Variants in PCDHA10 observed in about 807,000 individuals in gnomAD.
The protein encoded by PCDHA10 is protocadherin alpha 10, also known as protocadherin alpha-10.
In PCDHA10, 45 loss-of-function variants were observed where a neutral mutation model predicts 61.2. The observed-to-expected ratio is 0.74, with a 90% CI of 0.58 to 0.94. PCDHA10 has a LOEUF of 0.94. Ranked by LOEUF, PCDHA10 falls within the 40% of genes least tolerant of loss-of-function variation. PCDHA10 has a pLI of 0.00. For missense variants in PCDHA10, 1,278 were observed against 1,236.2 expected (o/e 1.03, Z -0.51); for synonymous variants, 602 against 548.8 (o/e 1.10, Z -1.35).
rs782283116 is a variant in PCDHA10, at chr5:140,856,926, G to A, written c.878G>A (p.Trp293Ter). The A allele has an allele frequency of 6.3e-7, 1 of 1,594,828 alleles. No homozygotes were observed. Among genetic ancestry groups the A allele is most frequent in the South Asian group, 1.1e-5 (1 of 90,498 alleles). Residue 293 changes from tryptophan to a stop codon, truncating the protein, a stop_gained, in exon 1 of 4, where the codon TGG becomes TAG. Transcript: ENST00000307360. LOFTEE classifies it high-confidence loss of function. ...CCACCCACGATAAGAAGGAAATTTT[G>A]GATAAACGAAAGGACGGGAGAAATA... ...LVPPTIRRKFWINERTGEIKV... is the reference protein window; with the variant it reads ...LVPPTIRRKF
intron 1 of PCDHA10, among the ~76,000 whole-genome samples, chr5:140,910,919 T>G (rs2075230231): frequency 6.6e-6 from 1 of 152,154 alleles, no homozygotes; most frequent in Admixed American, 6.5e-5. Flanking sequence ...TTTTTGCTTA[T>G]ATAAATAAGA....
rs946669637 is a variant in PCDHA10, at chr5:140,923,020, G to C, written c.2389-55929G>C. On this transcript the variant is annotated intron_variant, in intron 1 of 3. Coordinates refer to ENST00000307360, the MANE Select transcript of PCDHA10 (RefSeq NM_018901.4). ...AGAATGGTTGTTGGACTGCAGTTTCGGACTCTATTACTACATGTATAGTAT... is the reference window on the plus strand; with the variant it reads ...AGAATGGTTGTTGGACTGCAGTTTCCGACTCTATTACTACATGTATAGTAT... Among the ~76,000 whole-genome samples the C allele has an allele frequency of 2.0e-5, 3 of 152,230 alleles. No homozygotes were observed. The East Asian group carries it at 5.8e-4, about 29-fold the overall frequency.
At chr5:140,946,249 C>T (rs930979647) in intron 1 of PCDHA10, among the ~76,000 whole-genome samples, 2 of 151,896 alleles carry the variant, frequency 1.3e-5, no homozygotes, top group Admixed American at 6.6e-5. Flanking sequence ...CATCATGAAT[C>T]ATCAGAAAAA....
chr5:140,877,433 A>G, intron 1 of PCDHA10: 8 of 1,613,774 alleles, frequency 5.0e-6, no homozygotes, highest in Non-Finnish European at 6.8e-6. Context: ...GTGAAGGACC[A>G]CGGTGAGCCC....
intron 1 of PCDHA10, among the ~76,000 whole-genome samples, chr5:140,896,682 C>A (rs573518532): frequency 6.6e-6 from 1 of 152,124 alleles, no homozygotes; most frequent in African/African-American, 2.4e-5. Flanking sequence ...CGGCCCTTTG[C>A]CCATTTTTTG....
chr5:140,980,216 G>A (rs1554241518), intron 2 of PCDHA10, among the ~76,000 whole-genome samples: 1 of 152,190 alleles, frequency 6.6e-6, no homozygotes, highest in African/African-American at 2.4e-5. Flanking sequence ...GCTTTTGCCT[G>A]CATCTGAGCT....
rs368166956 is a variant in PCDHA10, at chr5:140,870,187, G to T, written c.2388+11751G>T. On this transcript the variant is annotated intron_variant, in intron 1 of 3. Coordinates refer to ENST00000307360, the MANE Select transcript of PCDHA10 (RefSeq NM_018901.4). Reference sequence around the variant, plus strand: ...CTTGTCCCTCCCAGTACGAGAGGACGCTCAGCCCAGCACGGTCATTGCCCT... The same window carrying T: ...CTTGTCCCTCCCAGTACGAGAGGACTCTCAGCCCAGCACGGTCATTGCCCT... 55 of 1,614,092 alleles carry T rather than the reference G, an allele frequency of 3.4e-5. No individual in the cohort carries two copies. The African/African-American group carries it at 6.5e-4, about 19-fold the overall frequency.
In PCDHA10 at chr5:140,870,746, T is replaced by C. The variant is rs781831995; in HGVS notation, c.2388+12310T>C. 5.0e-6 allele frequency: 8 copies of C among 1,613,488 alleles called. No individual in the cohort carries two copies. The East Asian group carries it at 1.8e-4, about 36-fold the overall frequency. ...GGCGTGCCGCCTCTGAGCAGCAACG[T>C]GACGCTGCAGGTGTTCGTGCTGGAC... On this transcript the variant is annotated intron_variant, in intron 1 of 3. Transcript: ENST00000307360.
Position 140,857,610 on chromosome 5 carries a change from C to T in PCDHA10, c.1562C>T (p.Pro521Leu), listed in dbSNP as rs1436552212. 1.3e-6 allele frequency: 2 copies of T among 1,596,344 alleles called. No individual in the cohort carries two copies. The highest frequency in any genetic ancestry group is 2.2e-5 in the South Asian group (2 of 90,486). Reference protein sequence around the residue: ...AESGKVYALQPLDHEELELLQ... With the variant: ...AESGKVYALQLLDHEELELLQ... ...AGCGGCAAGGTGTACGCGCTGCAGC[C>T]GCTGGACCACGAGGAGCTGGAGCTG... is the stretch of plus-strand genomic sequence containing the variant. The change falls in exon 1 of 4, where the codon CCG (proline) becomes CTG (leucine). Residue 521 changes from proline to leucine, a missense_variant. Coordinates refer to ENST00000307360, the MANE Select transcript of PCDHA10 (RefSeq NM_018901.4).
At chr5:140,880,010 A>G (rs958851507) in intron 1 of PCDHA10, among the ~76,000 whole-genome samples, 1 of 152,232 alleles carries the variant, frequency 6.6e-6, no homozygotes, top group African/African-American at 2.4e-5. Flanking sequence ...TATTCACCAT[A>G]TAAAGTAAAA....
chr5:140,857,657 C>T lies in PCDHA10; in HGVS notation c.1609C>T (p.Arg537Cys), dbSNP rs1207727837. Reference protein sequence around the residue: ...LELLQFQVSARDGGVPPLGSN... With the variant: ...LELLQFQVSACDGGVPPLGSN... ...GCTGCTACAGTTCCAGGTGAGCGCG[C>T]GCGATGGGGGCGTGCCGCCTCTGGG... The change falls in exon 1 of 4, where the codon CGC (arginine) becomes TGC (cysteine). Residue 537 changes from arginine to cysteine, a missense_variant. Coordinates refer to ENST00000307360, the MANE Select transcript of PCDHA10 (RefSeq NM_018901.4). The T allele has an allele frequency of 1.9e-6, 3 of 1,596,740 alleles. No homozygotes were observed. The highest frequency in any genetic ancestry group is 1.7e-6 in the Non-Finnish European group (2 of 1,167,750).
rs906170025 is a variant in PCDHA10 at position 140,935,893 on chromosome 5, T to C, written c.2389-43056T>C. Among the ~76,000 whole-genome samples, 23 of 129,968 alleles carry C rather than the reference T, an allele frequency of 1.8e-4. 1 individual carries two copies. In the Admixed American group the frequency reaches 1.8e-3, roughly 10 times the overall value. The allele number at this position is 129,968 out of a possible 152,430, so 85.3% of individuals were successfully genotyped here. A position where few individuals can be genotyped will look rare whatever the true frequency, so the allele number is the denominator to read the frequency against. ...AATGAGCTCCAATTTATCAATATTA[T>C]CTTTTTTTTTTTTTTTTGAGACAGA... On this transcript the variant is annotated intron_variant, in intron 1 of 3. Transcript: ENST00000307360.
intron 3 of PCDHA10, among the ~76,000 whole-genome samples, chr5:141,000,094 C>G (rs782020096): frequency 1.3e-5 from 2 of 152,128 alleles, no homozygotes; most frequent in Non-Finnish European, 2.9e-5. Flanking sequence ...GTGAATGGAG[C>G]TCAACTCCGT....
rs782608134 is a variant in PCDHA10 at position 140,857,065 on chromosome 5, A to G, written c.1017A>G (p.Leu339=). 6.3e-7 allele frequency: 1 copy of G among 1,594,864 alleles called. No individual in the cohort carries two copies. Among genetic ancestry groups the G allele is most frequent in the Non-Finnish European group, 8.6e-7 (1 of 1,164,840 alleles). The change falls in exon 1 of 4, where the codon CTA becomes CTG. Residue 339 remains leucine, a synonymous_variant. Transcript: ENST00000307360. ...GTCACTGCACGGTCCTAGTGGAACT[A>G]CTGGATGAAAATGATAATTCACCTG... The part of the protein sequence containing the change: ...MVGHCTVLVE[L]LDENDNSPEV...
chr5:140,993,368 T>A (rs1354951477), intron 3 of PCDHA10, among the ~76,000 whole-genome samples: 2 of 151,944 alleles, frequency 1.3e-5, no homozygotes, highest in Middle Eastern at 6.8e-3. Flanking sequence ...AAAAACTACC[T>A]CCCAGCCGGG....
intron 1 of PCDHA10, among the ~76,000 whole-genome samples, chr5:140,879,173 G>A (rs1010561937): frequency 6.6e-6 from 1 of 152,278 alleles, no homozygotes; most frequent in Non-Finnish European, 1.5e-5. Context: ...AATAAATTAG[G>A]TATCAAGTAA....
intron 1 of PCDHA10, among the ~76,000 whole-genome samples, chr5:140,915,232 C>A (rs1554196813): frequency 1.3e-5 from 2 of 152,274 alleles, no homozygotes; most frequent in Admixed American, 6.5e-5. Flanking sequence ...CAGGCATGAG[C>A]CACCATGCCT....
At chr5:140,969,228 G>A in intron 1 of PCDHA10, 1 of 1,614,176 alleles carries the variant, frequency 6.2e-7, no homozygotes, top group Non-Finnish European at 8.5e-7. Flanking sequence ...GGGCCTTCGG[G>A]AGCCCAAGCA....
At chr5:140,955,654 AT>A (rs1264049969) in intron 1 of PCDHA10, among the ~76,000 whole-genome samples, 1 of 152,208 alleles carries the variant, frequency 6.6e-6, no homozygotes, top group Non-Finnish European at 1.5e-5. Flanking sequence ...TAATACACAT[AT>A]GAATTTTAAC....
Sources: gnomAD v4.1 joint callset for allele counts (sites outside exome capture counted in the v4.1 genomes callset) on GRCh38, gnomAD v4.1.1 for gene constraint, MANE v1.5 for transcripts, NCBI Gene and HGNC (gene_info 2026-07-23, HGNC 2026-07-21) for gene names.